The following WWOX variants were observed in gnomAD, a reference collection of about 807,000 sequenced individuals.
WWOX encodes the protein WW domain-containing oxidoreductase.
WWOX carries 69 observed loss-of-function variants against 46.2 expected under a neutral mutation model. The observed-to-expected ratio is 1.49, with a 90% CI of 1.23 to 1.82. The LOEUF is 1.82. Ranked by LOEUF, WWOX falls within the 40% of genes most tolerant of loss-of-function variation. WWOX has a pLI of 0.00. For missense variants in WWOX, 919 were observed against 542.6 expected (o/e 1.69, Z -6.89); for synonymous variants, 359 against 202.6 (o/e 1.77, Z -6.56).
chr16:78,549,765 A>C (rs1203909628), intron 8 of WWOX, among the ~76,000 whole-genome samples: 3 of 152,192 alleles, frequency 2.0e-5, no homozygotes, highest in Non-Finnish European at 4.4e-5. Flanking sequence ...TATGAAGCCT[A>C]AGGGTAAGAT....
intron 8 of WWOX, among the ~76,000 whole-genome samples, chr16:78,801,619 A>G (rs566143164): frequency 3.9e-5 from 6 of 152,280 alleles, no homozygotes; most frequent in East Asian, 3.9e-4. Flanking sequence ...CTCACCCCAC[A>G]TTAACAATTT....
chr16:79,143,478 A>G (rs746125769), intron 8 of WWOX, among the ~76,000 whole-genome samples: 28 of 152,298 alleles, frequency 1.8e-4, no homozygotes, highest in Non-Finnish European at 2.9e-4. Flanking sequence ...GGATTCTTCG[A>G]CTTTAATAGA....
At chr16:78,756,121 A>G (rs1401158786) in intron 8 of WWOX, among the ~76,000 whole-genome samples, 1 of 152,154 alleles carries the variant, frequency 6.6e-6, no homozygotes, top group African/African-American at 2.4e-5. Context: ...GGGAGGAGAG[A>G]GTATATAAAA....
chr16:78,515,664 C>A (rs548723762), intron 8 of WWOX, among the ~76,000 whole-genome samples: 1 of 152,316 alleles, frequency 6.6e-6, no homozygotes, highest in African/African-American at 2.4e-5. Context: ...GCCGGCCTCT[C>A]CTCGCAGCCG....
intron 5 of WWOX, among the ~76,000 whole-genome samples, chr16:78,327,330 C>T (rs949015945): frequency 3.3e-5 from 5 of 152,122 alleles, no homozygotes; most frequent in Non-Finnish European, 5.9e-5. Context: ...GGGTGTGAAG[C>T]GTGCCAGCTT....
intron 8 of WWOX, among the ~76,000 whole-genome samples, chr16:78,698,074 G>T (rs142163854): frequency 6.6e-6 from 1 of 152,138 alleles, no homozygotes; most frequent in Non-Finnish European, 1.5e-5. Context: ...ATGTAAAGTG[G>T]TATTATTGTT....
intron 5 of WWOX, among the ~76,000 whole-genome samples, chr16:78,173,913 C>A (rs950921796): frequency 6.6e-6 from 1 of 152,020 alleles, no homozygotes; most frequent in East Asian, 1.9e-4. Context: ...TTTTAAGTAG[C>A]CTGTTTCTTG....
intron 8 of WWOX, among the ~76,000 whole-genome samples, chr16:79,119,552 A>G (rs2049585628): frequency 6.6e-6 from 1 of 152,220 alleles, no homozygotes. Context: ...CAGTTTTTTC[A>G]AAGTGGGTTT....
At chr16:78,599,455 C>A (rs766433300) in intron 8 of WWOX, among the ~76,000 whole-genome samples, 2 of 152,222 alleles carry the variant, frequency 1.3e-5, no homozygotes, top group African/African-American at 2.4e-5. Flanking sequence ...ATTGGCCTGT[C>A]AGTTCAATCA....
intron 8 of WWOX, among the ~76,000 whole-genome samples, chr16:78,584,165 C>T (rs940795962): frequency 1.3e-5 from 2 of 152,222 alleles, no homozygotes; most frequent in African/African-American, 4.8e-5. Context: ...ATTTCTCCTT[C>T]TCTAAGACTA....
At chr16:78,326,979 C>T (rs532348474) in intron 5 of WWOX, among the ~76,000 whole-genome samples, 2 of 152,172 alleles carry the variant, frequency 1.3e-5, no homozygotes, top group East Asian at 1.9e-4. Context: ...TTCTGAAGTT[C>T]CCCAGAGGCT....
chr16:79,096,011 G>T (rs919211178), intron 8 of WWOX, among the ~76,000 whole-genome samples: 7 of 105,338 alleles, frequency 6.6e-5, no homozygotes, highest in Non-Finnish European at 9.3e-5. Context: ...TGCCACACCC[G>T]GATAATTTTT....
chr16:78,467,333 G>T (rs755987543), intron 8 of WWOX, among the ~76,000 whole-genome samples: 1 of 151,844 alleles, frequency 6.6e-6, no homozygotes, highest in Non-Finnish European at 1.5e-5. Context: ...ACATGTATGC[G>T]CACATACACA....
intron 8 of WWOX, among the ~76,000 whole-genome samples, chr16:79,007,960 A>G (rs556319032): frequency 2.0e-5 from 3 of 152,314 alleles, no homozygotes; most frequent in African/African-American, 7.2e-5. Context: ...CTGTGTAAGA[A>G]ATTACCACAA....
In WWOX at chr16:78,509,985, A is replaced by C. The variant is rs6564565; in HGVS notation, c.1056+77233A>C. Among the ~76,000 whole-genome samples, 336 of 151,454 alleles carry C rather than the reference A, an allele frequency of 2.2e-3. 3 individuals are homozygous for C. Among genetic ancestry groups the C allele is most frequent in the African/African-American group, 7.5e-3 (311 of 41,284 alleles). On this transcript the variant is annotated intron_variant, in intron 8 of 8. Coordinates refer to ENST00000566780, the MANE Select transcript of WWOX (RefSeq NM_016373.4). ...CATGGTGGCACATGCCTGTAGTCCC[A>C]GCTTCTGGGGATGCTGCAGCGAGCC...
At chr16:78,962,937 G>A (rs1377112494) in intron 8 of WWOX, among the ~76,000 whole-genome samples, 1 of 152,174 alleles carries the variant, frequency 6.6e-6, no homozygotes. Flanking sequence ...TCATTAGGTT[G>A]TGGGATTTGC....
chr16:78,750,285 C>G (rs560987608), intron 8 of WWOX, among the ~76,000 whole-genome samples: 2 of 152,234 alleles, frequency 1.3e-5, no homozygotes, highest in African/African-American at 4.8e-5. Flanking sequence ...CTCTGCAGGA[C>G]AGAAATGAGA....
At chr16:78,958,726 A>G (rs1294117258) in intron 8 of WWOX, among the ~76,000 whole-genome samples, 2 of 152,206 alleles carry the variant, frequency 1.3e-5, no homozygotes, top group African/African-American at 4.8e-5. Flanking sequence ...TATCACCAGG[A>G]TGCAATTAGT....
intron 8 of WWOX, among the ~76,000 whole-genome samples, chr16:78,917,545 T>G (rs1409491420): frequency 6.6e-6 from 1 of 152,100 alleles, no homozygotes; most frequent in Non-Finnish European, 1.5e-5. Flanking sequence ...TGTTGGAAAT[T>G]ATTCCTAACC....
Sources: gnomAD v4.1 joint callset for allele counts (sites outside exome capture counted in the v4.1 genomes callset) on GRCh38, gnomAD v4.1.1 for gene constraint, MANE v1.5 for transcripts, NCBI Gene and HGNC (gene_info 2026-07-23, HGNC 2026-07-21) for gene names.